The following BLTP3B variants were observed in gnomAD, a reference collection of about 807,000 sequenced individuals.
BLTP3B encodes the protein bridge-like lipid transfer protein family member 3B.
At chr12:100,126,737 G>A in the BLTP3B span, among the ~76,000 whole-genome samples, 3 of 152,124 alleles carry the variant, frequency 2.0e-5, no homozygotes, top group Admixed American at 2.0e-4. Flanking sequence ...AGAAGTATGA[G>A]ACCCAAAGGA....
chr12:100,109,755 G>A, the BLTP3B span, among the ~76,000 whole-genome samples: 14 of 143,904 alleles, frequency 9.7e-5, no homozygotes, highest in Non-Finnish European at 1.9e-4. Flanking sequence ...GACACAGTGA[G>A]ACCCTGTCTC....
At chr12:100,041,682 G>A in the BLTP3B span, among the ~76,000 whole-genome samples, 6 of 152,060 alleles carry the variant, frequency 3.9e-5, no homozygotes, top group East Asian at 9.7e-4. Flanking sequence ...TGATCCACCC[G>A]CCTCGGCTTC....
the BLTP3B span, among the ~76,000 whole-genome samples, chr12:100,094,366 C>G: frequency 1.4e-4 from 21 of 152,116 alleles, no homozygotes; most frequent in African/African-American, 5.1e-4. Flanking sequence ...CTGCCTCAGC[C>G]TCCCAAAGTA....
chr12:100,056,259 G>A, the BLTP3B span, among the ~76,000 whole-genome samples: 1 of 152,068 alleles, frequency 6.6e-6, no homozygotes, highest in Admixed American at 6.6e-5. Context: ...CCAGAGGACT[G>A]CAAAATGCAA....
the BLTP3B span, chr12:100,072,890 C>T: frequency 6.9e-7 from 1 of 1,441,098 alleles, no homozygotes; most frequent in African/African-American, 1.5e-5. Context: ...CCAGACAGTA[C>T]TTTTAAAACT....
the BLTP3B span, chr12:100,059,150 TTTCA>T: frequency 6.2e-7 from 1 of 1,614,032 alleles, no homozygotes; most frequent in Admixed American, 1.7e-5. Context: ...CTTTTCCACT[TTTCA>T]TCCCTTCATA....
chr12:100,128,493 T>TC, the BLTP3B span: 1 of 1,000,260 alleles, frequency 1.0e-6, no homozygotes. Flanking sequence ...AAGAAAATAT[T>TC]CTCAAAGTAT....
At chr12:100,114,626 A>C in the BLTP3B span, among the ~76,000 whole-genome samples, 1 of 152,228 alleles carries the variant, frequency 6.6e-6, no homozygotes, top group Non-Finnish European at 1.5e-5. Flanking sequence ...CAATACTTTC[A>C]GATGGGAAAA....
the BLTP3B span, among the ~76,000 whole-genome samples, chr12:100,109,907 T>C: frequency 6.6e-6 from 1 of 152,226 alleles, no homozygotes; most frequent in Non-Finnish European, 1.5e-5. Context: ...TCTATACTAA[T>C]TTTAACCCAA....
chr12:100,088,981 AGGT>A, the BLTP3B span: 1 of 1,603,866 alleles, frequency 6.2e-7, no homozygotes, highest in Non-Finnish European at 8.5e-7. Flanking sequence ...AAATGATGGG[AGGT>A]TTCCTTAACA....
chr12:100,102,996 T>A, the BLTP3B span: 1 of 524,380 alleles, frequency 1.9e-6, no homozygotes, highest in South Asian at 3.9e-5. Flanking sequence ...AGTGCCTCTC[T>A]ACAGGTCTAA....
the BLTP3B span, among the ~76,000 whole-genome samples, chr12:100,111,414 C>T: frequency 6.7e-6 from 1 of 149,204 alleles, no homozygotes; most frequent in African/African-American, 2.5e-5. Context: ...CCTCAGCTTT[C>T]CAAGTAGCTG....
At chr12:100,092,582 A>C in the BLTP3B span, 2 of 152,220 alleles carry the variant, frequency 1.3e-5, no homozygotes, top group Non-Finnish European at 2.9e-5. Flanking sequence ...ATGGTAGCAC[A>C]GGTTTTATTA....
At chr12:100,102,807 G>C in the BLTP3B span, 5 of 1,608,876 alleles carry the variant, frequency 3.1e-6, no homozygotes, top group Non-Finnish European at 3.4e-6. Flanking sequence ...GGCCATTAGG[G>C]CTTCTTGGTT....
chr12:100,116,448 C>CAAAAAAAAAAAAAAA, the BLTP3B span, among the ~76,000 whole-genome samples: 3 of 55,956 alleles, frequency 5.4e-5, no homozygotes, highest in Non-Finnish European at 3.7e-5. Flanking sequence ...GATCCTGTCT[C>CAAAAAAAAAAAAAAA]AAAAAAAAAA....
At chr12:100,079,210 G>A in the BLTP3B span, among the ~76,000 whole-genome samples, 1 of 152,340 alleles carries the variant, frequency 6.6e-6, no homozygotes, top group Admixed American at 6.5e-5. Context: ...AGTGACTTTG[G>A]AACTGGGTAA....
chr12:100,091,354 A>C, the BLTP3B span, among the ~76,000 whole-genome samples: 1 of 150,648 alleles, frequency 6.6e-6, no homozygotes, highest in African/African-American at 2.4e-5. Context: ...CGCCCAGCTA[A>C]TTTTTGTATT....
chr12:100,085,767 T>C, the BLTP3B span, among the ~76,000 whole-genome samples: 1 of 152,132 alleles, frequency 6.6e-6, no homozygotes, highest in Non-Finnish European at 1.5e-5. Context: ...TTTTTTTTCT[T>C]TTCATTATTT....
chr12:100,058,210 C>A, the BLTP3B span: 1 of 1,612,820 alleles, frequency 6.2e-7, no homozygotes, highest in Non-Finnish European at 8.5e-7. Flanking sequence ...CCATCACTAT[C>A]AAATGAAAGT....
Sources: gnomAD v4.1 joint callset for allele counts (sites outside exome capture counted in the v4.1 genomes callset) on GRCh38, gnomAD v4.1.1 for gene constraint, MANE v1.5 for transcripts, NCBI Gene and HGNC (gene_info 2026-07-23, HGNC 2026-07-21) for gene names.